OSBPL10: variants seen among roughly 807,000 people sequenced by gnomAD.
OSBPL10 encodes oxysterol binding protein like 10, also known as oxysterol-binding protein-related protein 10.
In OSBPL10, 49 loss-of-function variants were observed where a neutral mutation model predicts 81.7. That is an observed-to-expected ratio of 0.60 (90% CI 0.48 to 0.76). The LOEUF is 0.76. Ranked by LOEUF, OSBPL10 falls within the 30% of genes least tolerant of loss-of-function variation. OSBPL10 has a pLI of 0.00. For missense variants in OSBPL10, 923 were observed against 987.8 expected (o/e 0.93, Z 0.88); for synonymous variants, 419 against 383.6 (o/e 1.09, Z -1.08).
intron 2 of OSBPL10, among the ~76,000 whole-genome samples, chr3:31,986,670 T>C (rs1698938282): frequency 6.6e-6 from 1 of 152,192 alleles, no homozygotes; most frequent in South Asian, 2.1e-4. Flanking sequence ...ATTATTATTT[T>C]ATTAAATAGA....
intron 3 of OSBPL10, among the ~76,000 whole-genome samples, chr3:31,863,099 T>C (rs1701097605): frequency 6.6e-6 from 1 of 152,228 alleles, no homozygotes; most frequent in Admixed American, 6.5e-5. Context: ...AATGAAGTAC[T>C]GATTTATGCT....
chr3:31,760,352 C>T (rs1013519236), intron 4 of OSBPL10, among the ~76,000 whole-genome samples: 1 of 152,122 alleles, frequency 6.6e-6, no homozygotes, highest in Non-Finnish European at 1.5e-5. Flanking sequence ...TACAGTCATC[C>T]CTCAGTACCC....
At chr3:31,710,652 T>C (rs996315068) in intron 6 of OSBPL10, 1 of 152,214 alleles carries the variant, frequency 6.6e-6, no homozygotes. Flanking sequence ...GAATCAGAGA[T>C]AGTATCCCAG....
At chr3:31,965,882 AGAT>A (rs1382118761) in intron 1 of OSBPL10, among the ~76,000 whole-genome samples, 5 of 95,550 alleles carry the variant, frequency 5.2e-5, no homozygotes, top group South Asian at 5.8e-4. Flanking sequence ...TATATAAAAT[AGAT>A]AACATATATT....
Position 31,783,782 on chromosome 3 carries a change from C to T in OSBPL10, c.730-35662G>A, listed in dbSNP as rs1336795669. Among the ~76,000 whole-genome samples the T allele has an allele frequency of 1.2e-3, 59 of 47,688 alleles. 1 individual carries two copies. The highest frequency in any genetic ancestry group is 4.2e-3 in the African/African-American group (57 of 13,538). 31.3% of individuals were successfully genotyped at this position (47,688 alleles called of 152,430 possible). On this transcript the variant is annotated intron_variant, in intron 4 of 11. Coordinates refer to ENST00000396556, the MANE Select transcript of OSBPL10 (RefSeq NM_017784.5). ...CCCCAGACTGGGTGACAGAGCAAGACTCCGATTAAAAAAAAAAAAAAAAAA... is the reference window on the plus strand; with the variant it reads ...CCCCAGACTGGGTGACAGAGCAAGATTCCGATTAAAAAAAAAAAAAAAAAA...
intron 4 of OSBPL10, among the ~76,000 whole-genome samples, chr3:31,776,758 G>A (rs1019864441): frequency 1.1e-4 from 17 of 152,158 alleles, no homozygotes; most frequent in African/African-American, 3.4e-4. Context: ...ACAGAACCAT[G>A]ATTGGTTGTT....
At position 31,661,995 on chromosome 3, in the gene OSBPL10, C is replaced by G; in HGVS notation, c.*77G>C. 1 of 1,570,632 alleles carries G rather than the reference C, an allele frequency of 6.4e-7. No homozygotes were observed. The highest frequency in any genetic ancestry group is 8.6e-7 in the Non-Finnish European group (1 of 1,158,196). On this transcript the variant is annotated 3_prime_UTR_variant, in exon 12 of 12. Coordinates refer to ENST00000396556, the MANE Select transcript of OSBPL10 (RefSeq NM_017784.5). ...AATACAAGGTCTCAGTGAATGCCAA[C>G]AAAACCCTGATACTCTACTACTTTA...
At chr3:32,075,064 C>T (rs993335283) in intron 1 of OSBPL10, among the ~76,000 whole-genome samples, 11 of 152,192 alleles carry the variant, frequency 7.2e-5, no homozygotes, top group African/African-American at 2.7e-4. Context: ...CGACTTTCTG[C>T]TTCCACTATT....
intron 1 of OSBPL10, among the ~76,000 whole-genome samples, chr3:31,971,139 C>T (rs80193422): frequency 5.7e-4 from 68 of 119,240 alleles, no homozygotes; most frequent in Non-Finnish European, 6.5e-4. Flanking sequence ...TTTCTTTTTT[C>T]TTTTTTTTTT....
chr3:31,781,449 G>A (rs543447633), intron 4 of OSBPL10, among the ~76,000 whole-genome samples: 1 of 152,126 alleles, frequency 6.6e-6, no homozygotes, highest in Non-Finnish European at 1.5e-5. Context: ...CACAGTACTG[G>A]AAGTCCTAGC....
chr3:32,005,994 G>T (rs1179391777), intron 2 of OSBPL10, among the ~76,000 whole-genome samples: 3 of 151,204 alleles, frequency 2.0e-5, no homozygotes, highest in African/African-American at 7.3e-5. Context: ...ACCCAGACTG[G>T]AGTGCAGTGG....
intron 4 of OSBPL10, among the ~76,000 whole-genome samples, chr3:31,784,687 A>G (rs1416844129): frequency 1.3e-5 from 2 of 151,606 alleles, no homozygotes; most frequent in East Asian, 3.9e-4. Context: ...GGTTCAAATG[A>G]TTCTCTCACC....
intron 2 of OSBPL10, among the ~76,000 whole-genome samples, chr3:32,045,390 C>T (rs1699611777): frequency 6.6e-6 from 1 of 152,108 alleles, no homozygotes; most frequent in South Asian, 2.1e-4. Context: ...TAAGACTAAA[C>T]TAATAATAGA....
chr3:31,886,761 G>A (rs1163541417), intron 1 of OSBPL10, among the ~76,000 whole-genome samples: 2 of 152,030 alleles, frequency 1.3e-5, no homozygotes, highest in Non-Finnish European at 2.9e-5. Context: ...CCAATATGGT[G>A]AAACCTCGTC....
At chr3:31,675,154 T>G (rs888688077) in intron 8 of OSBPL10, among the ~76,000 whole-genome samples, 5 of 143,102 alleles carry the variant, frequency 3.5e-5, no homozygotes, top group African/African-American at 5.6e-5. Context: ...TGGTTCACCC[T>G]TCATGTCCTT....
intron 7 of OSBPL10, among the ~76,000 whole-genome samples, chr3:31,699,633 A>G (rs900243393): frequency 1.3e-5 from 2 of 152,270 alleles, no homozygotes; most frequent in South Asian, 2.1e-4. Context: ...ATAGCAGGGC[A>G]TTAAACCAAG....
chr3:31,824,881 G>A (rs760951196), intron 4 of OSBPL10, among the ~76,000 whole-genome samples: 2 of 152,120 alleles, frequency 1.3e-5, no homozygotes, highest in African/African-American at 2.4e-5. Context: ...CTTCTTGTAC[G>A]CTCAACTGTT....
At chr3:31,875,534 A>C (rs1243562068) in intron 3 of OSBPL10, among the ~76,000 whole-genome samples, 1 of 145,168 alleles carries the variant, frequency 6.9e-6, no homozygotes, top group Non-Finnish European at 1.5e-5. Flanking sequence ...TAAGCAAGTT[A>C]AGGAAAAGGG....
At chr3:32,019,487 C>T (rs888112377) in intron 2 of OSBPL10, among the ~76,000 whole-genome samples, 2 of 152,134 alleles carry the variant, frequency 1.3e-5, no homozygotes, top group Admixed American at 1.3e-4. Context: ...TAAGCAGAGA[C>T]GTGTGGTAGG....
Sources: allele counts gnomAD v4.1 joint callset (sites outside exome capture counted in the v4.1 genomes callset), GRCh38; gene constraint gnomAD v4.1.1; transcripts MANE v1.5; gene names NCBI Gene and HGNC (gene_info 2026-07-23, HGNC 2026-07-21).